The following HEATR5A variants were observed in gnomAD, a reference collection of about 807,000 sequenced individuals.
HEATR5A encodes the protein HEAT repeat containing 5A, also known as HEAT repeat-containing protein 5A.
In HEATR5A, 178 loss-of-function variants were observed where a neutral mutation model predicts 218.8. The observed-to-expected ratio is 0.81, with a 90% CI of 0.72 to 0.92. HEATR5A has a LOEUF of 0.92. HEATR5A is among the 40% of genes least tolerant of loss of function. The pLI is 0.00. For synonymous variants in HEATR5A, 864 were observed against 871.6 expected (o/e 0.99, Z 0.15); for missense variants, 2,420 against 2,418.9 (o/e 1.00, Z -0.01).
chr14:31,361,012 C>A (rs971599326), intron 14 of HEATR5A, among the ~76,000 whole-genome samples: 3 of 152,052 alleles, frequency 2.0e-5, no homozygotes, highest in African/African-American at 7.3e-5. Flanking sequence ...TTACATATAA[C>A]CTTCATAGTA....
At chr14:31,334,465 A>C (rs1049420094) in intron 22 of HEATR5A, 1 of 455,946 alleles carries the variant, frequency 2.2e-6, no homozygotes, top group African/African-American at 2.0e-5. Flanking sequence ...CACTGTTGAA[A>C]TTACAACAAA....
At position 31,343,477 on chromosome 14, in the gene HEATR5A, T is replaced by C. The variant is rs534040229; in HGVS notation, c.3228+419A>G. Among the ~76,000 whole-genome samples the C allele has an allele frequency of 7.9e-5, 12 of 152,308 alleles. 1 individual carries two copies. Among genetic ancestry groups the C allele is most frequent in the African/African-American group, 2.4e-4 (10 of 41,566 alleles). ...TACAATATTAGAAGCCAGATATTGATGCATATGTTGCTGGAATATTAAGGA... is the reference window on the plus strand; with the variant it reads ...TACAATATTAGAAGCCAGATATTGACGCATATGTTGCTGGAATATTAAGGA... On this transcript the variant is annotated intron_variant, in intron 21 of 35. Coordinates refer to ENST00000543095, the MANE Select transcript of HEATR5A (RefSeq NM_015473.4).
At chr14:31,383,009 A>G (rs1330532627) in intron 10 of HEATR5A, among the ~76,000 whole-genome samples, 1 of 151,912 alleles carries the variant, frequency 6.6e-6, no homozygotes, top group Non-Finnish European at 1.5e-5. Flanking sequence ...TTTTGGTTGG[A>G]AACAGTATTT....
intron 33 of HEATR5A, 31 bp from the exon 34 acceptor site, chr14:31,296,094 C>CT (rs1484883312): frequency 3.1e-6 from 5 of 1,588,572 alleles, no homozygotes; most frequent in Non-Finnish European, 4.3e-6. Context: ...AGAAACAGTT[C>CT]ATATTTACTG....
At chr14:31,380,806 T>C (rs971994963) in intron 10 of HEATR5A, among the ~76,000 whole-genome samples, 1 of 152,230 alleles carries the variant, frequency 6.6e-6, no homozygotes, top group East Asian at 1.9e-4. Context: ...AACAATCCCA[T>C]AATTTTTTGT....
At chr14:31,333,609 T>C (rs111669019) in intron 22 of HEATR5A, among the ~76,000 whole-genome samples, 3,028 of 152,262 alleles carry the variant, frequency 0.02, 90 homozygotes, top group African/African-American at 0.069. Context: ...GGGACTTTCA[T>C]AGCTAGAGAG....
intron 14 of HEATR5A, 135 bp from the exon 15 acceptor site, chr14:31,359,192 A>C: frequency 1.2e-4 from 103 of 827,014 alleles, no homozygotes; most frequent in Non-Finnish European, 1.5e-4. Context: ...TGTATTTCTC[A>C]TCCTTGAAAA....
At chr14:31,302,145 C>T in intron 33 of HEATR5A, 150 bp downstream of exon 33, 1 of 635,262 alleles carries the variant, frequency 1.6e-6, no homozygotes, top group South Asian at 2.0e-5. Context: ...TTTCTATCTA[C>T]TTATACATAT....
chr14:31,295,899 A>G lies in HEATR5A; in HGVS notation c.5619+10T>C, dbSNP rs763613295. ...CTATTACATACATCTTTCTGCTAAA[A>G]GACACTTACCACAGGATCTTTTATC... is the stretch of plus-strand genomic sequence containing the variant. On this transcript the variant is annotated intron_variant, in intron 34 of 35. Coordinates refer to ENST00000543095, the MANE Select transcript of HEATR5A (RefSeq NM_015473.4). 6.8e-6 allele frequency: 11 copies of G among 1,611,770 alleles called. No individual in the cohort carries two copies. The Admixed American group carries it at 1.0e-4, about 15-fold the overall frequency.
At position 31,396,000 on chromosome 14, in the gene HEATR5A, T is replaced by A. The variant is rs186896317; in HGVS notation, c.448-652A>T. Among the ~76,000 whole-genome samples the A allele has an allele frequency of 2.0e-5, 3 of 152,272 alleles. No individual in the cohort carries two copies. The East Asian group carries it at 5.8e-4, about 29-fold the overall frequency. On this transcript the variant is annotated intron_variant, in intron 4 of 35. Coordinates refer to ENST00000543095, the MANE Select transcript of HEATR5A (RefSeq NM_015473.4). ...TATTTCCTCATCTATAAAATGAGGATAAGATGAACCTCATGGGTAAACATT... is the reference window on the plus strand; with the variant it reads ...TATTTCCTCATCTATAAAATGAGGAAAAGATGAACCTCATGGGTAAACATT...
chr14:31,379,572 G>C (rs923608913), intron 11 of HEATR5A, among the ~76,000 whole-genome samples: 6 of 152,054 alleles, frequency 3.9e-5, no homozygotes, highest in Admixed American at 3.3e-4. Flanking sequence ...TTTATATCTA[G>C]CTATAACTTG....
chr14:31,343,592 G>A (rs1900914169), intron 21 of HEATR5A, among the ~76,000 whole-genome samples: 1 of 152,154 alleles, frequency 6.6e-6, no homozygotes, highest in African/African-American at 2.4e-5. Flanking sequence ...AGTTTTGCAT[G>A]TCCTACAGCA....
intron 12 of HEATR5A, 36 bp downstream of exon 12, chr14:31,374,780 A>G: frequency 6.4e-7 from 1 of 1,572,428 alleles, no homozygotes. Flanking sequence ...GTAAAAAGCC[A>G]AAGGAAAGGG....
At chr14:31,362,695 T>C (rs1345963637) in intron 14 of HEATR5A, among the ~76,000 whole-genome samples, 1 of 149,768 alleles carries the variant, frequency 6.7e-6, no homozygotes, top group Admixed American at 6.7e-5. Flanking sequence ...GTGGGATGAC[T>C]TGAGCCTGGG....
At chr14:31,352,962 T>TA (rs1222581587) in intron 16 of HEATR5A, among the ~76,000 whole-genome samples, 4 of 30,330 alleles carry the variant, frequency 1.3e-4, no homozygotes, top group African/African-American at 2.8e-4. Context: ...TCTCCAAAAA[T>TA]AAAAAATAAA....
intron 7 of HEATR5A, among the ~76,000 whole-genome samples, chr14:31,387,950 C>A (rs1389564524): frequency 6.6e-6 from 1 of 152,048 alleles, no homozygotes; most frequent in African/African-American, 2.4e-5. Context: ...GTCAGCATAC[C>A]CAGCTTACAT....
chr14:31,306,520 A>C (rs186467350), intron 31 of HEATR5A, among the ~76,000 whole-genome samples: 101 of 152,220 alleles, frequency 6.6e-4, no homozygotes, highest in South Asian at 1.2e-3. Flanking sequence ...GCCATGCCTA[A>C]AGACTCTACT....
At chr14:31,344,366 C>T (rs948202300) in intron 20 of HEATR5A, among the ~76,000 whole-genome samples, 8 of 143,900 alleles carry the variant, frequency 5.6e-5, no homozygotes, top group Non-Finnish European at 1.2e-4. Context: ...CAACCCCCGG[C>T]TTCCGGGTTC....
chr14:31,302,788 C>A, intron 32 of HEATR5A: 3 of 359,260 alleles, frequency 8.4e-6, no homozygotes, highest in Non-Finnish European at 1.5e-5. Flanking sequence ...CTTTGGCAGT[C>A]GATAAATGAA....
Sources: gnomAD v4.1 joint callset for allele counts (sites outside exome capture counted in the v4.1 genomes callset) on GRCh38, gnomAD v4.1.1 for gene constraint, MANE v1.5 for transcripts, NCBI Gene and HGNC (gene_info 2026-07-23, HGNC 2026-07-21) for gene names.